TRIO: variants seen among roughly 807,000 people sequenced by gnomAD.
TRIO encodes the protein trio Rho guanine nucleotide exchange factor.
Under a neutral mutation model 351.9 loss-of-function variants are expected in TRIO, and 58 were observed. The ratio of observed to expected loss-of-function variants is 0.16; its 90% CI spans 0.13 to 0.21. The LOEUF (loss-of-function observed/expected upper bound fraction) is 0.21, where lower values mean the gene tolerates loss of function less well. TRIO is among the 10% of genes least tolerant of loss of function. The pLI is 1.00. For missense variants in TRIO, 3,201 were observed against 4,027.8 expected (o/e 0.79, Z 5.56); for synonymous variants, 1,758 against 1,595.7 (o/e 1.10, Z -2.42).
intron 55 of TRIO, among the ~76,000 whole-genome samples, 185 bp from the exon 56 acceptor site, chr5:14,506,937 G>T (rs1757730238): frequency 6.6e-6 from 1 of 152,156 alleles, no homozygotes; most frequent in Non-Finnish European, 1.5e-5. Flanking sequence ...TACCCCACTC[G>T]CATCTTCCCA....
At chr5:14,428,364 T>C (rs1268705154) in intron 34 of TRIO, among the ~76,000 whole-genome samples, 1 of 152,144 alleles carries the variant, frequency 6.6e-6, no homozygotes, top group East Asian at 1.9e-4. Context: ...AAAAATAATA[T>C]ACTGAGAAAT....
chr5:14,507,061 A>G, intron 55 of TRIO, 61 bp from the exon 56 acceptor site: 6 of 1,512,834 alleles, frequency 4.0e-6, no homozygotes, highest in Non-Finnish European at 5.3e-6. Flanking sequence ...ACTTCTTACT[A>G]GCCCAAAGAG....
intron 1 of TRIO, among the ~76,000 whole-genome samples, chr5:14,168,809 A>G (rs1390899942): frequency 3.3e-5 from 5 of 152,178 alleles, no homozygotes; most frequent in Non-Finnish European, 5.9e-5. Context: ...TTACCAATAC[A>G]TGTTTCAGCT....
intron 7 of TRIO, among the ~76,000 whole-genome samples, chr5:14,297,695 T>C (rs1265215661): frequency 6.6e-6 from 1 of 152,172 alleles, no homozygotes; most frequent in Non-Finnish European, 1.5e-5. Context: ...GGAACGCCCA[T>C]CCGTGGTGCA....
At chr5:14,191,356 C>T (rs889481193) in intron 1 of TRIO, among the ~76,000 whole-genome samples, 1 of 152,022 alleles carries the variant, frequency 6.6e-6, no homozygotes, top group African/African-American at 2.4e-5. Context: ...CTTTGGGAGG[C>T]TGAGGCAGGA....
chr5:14,358,365 C>A lies in TRIO; in HGVS notation c.2216+18C>A, dbSNP rs372264116. 1.1e-5 allele frequency: 18 copies of A among 1,613,112 alleles called. No homozygotes were observed. In the East Asian group the frequency reaches 2.0e-4, roughly 18 times the overall value. On this transcript the variant is annotated intron_variant, in intron 12 of 56. Transcript: ENST00000344204. ...CAGCTCAGGTGGGCCTCACCCCTCT[C>A]CTGGTCCGAACAGATTCTGAAACCC...
intron 1 of TRIO, among the ~76,000 whole-genome samples, chr5:14,158,350 G>C (rs530102974): frequency 6.6e-6 from 1 of 151,714 alleles, no homozygotes; most frequent in Non-Finnish European, 1.5e-5. Context: ...GCTTGAACCC[G>C]GGAGGCAGAG....
At chr5:14,502,528 C>G in intron 53 of TRIO, 51 bp from the exon 54 acceptor site, 1 of 1,595,116 alleles carries the variant, frequency 6.3e-7, no homozygotes, top group Non-Finnish European at 8.6e-7. Flanking sequence ...GCCTTCTTAC[C>G]CAAGAAGCTC....
At chr5:14,373,162 C>T (rs1405266592) in intron 18 of TRIO, among the ~76,000 whole-genome samples, 3 of 152,192 alleles carry the variant, frequency 2.0e-5, no homozygotes, top group African/African-American at 7.2e-5. Context: ...TCACCTCCCA[C>T]GAGGTTTCTA....
chr5:14,479,924 A>G lies in TRIO; in HGVS notation c.6249A>G (p.Leu2083=), dbSNP rs752070358. 8.5e-5 allele frequency: 137 copies of G among 1,613,982 alleles called. 2 individuals are homozygous for G. The highest frequency in any genetic ancestry group is 6.6e-4 in the Middle Eastern group (4 of 6,084). ...TCTCTCTCTTAAAACTGTAGGACTT[A>G]AAGCAGCGTCTTGGCCACAGGTTAC... The part of the protein sequence containing the change: ...SEYIDTFFED[L]KQRLGHRLQL... Residue 2083 remains leucine (L), a synonymous_variant, in exon 43 of 57, where the codon TTA becomes TTG. Coordinates refer to ENST00000344204, the MANE Select transcript of TRIO (RefSeq NM_007118.4).
rs569045714 is a variant in TRIO at position 14,276,951 on chromosome 5, CTTCT to C, written c.233-3366_233-3363del. Among the ~76,000 whole-genome samples, 477 of 152,302 alleles carry C rather than the reference CTTCT, an allele frequency of 3.1e-3. 1 individual carries two copies. The highest frequency in any genetic ancestry group is 4.6e-3 in the Non-Finnish European group (312 of 68,038). On this transcript the variant is annotated intron_variant, in intron 2 of 56. Coordinates refer to ENST00000344204, the MANE Select transcript of TRIO (RefSeq NM_007118.4). ...AGCTATAGTGTAGGACCCTTTCAGC[CTTCT>C]TTCTATTATTAAAATAAACCTCAGT... is the stretch of plus-strand genomic sequence containing the variant.
intron 9 of TRIO, among the ~76,000 whole-genome samples, chr5:14,317,063 T>C (rs530356914): frequency 1.3e-5 from 2 of 152,332 alleles, no homozygotes; most frequent in East Asian, 3.9e-4. Flanking sequence ...ATTGTTATAA[T>C]TTAGTTAACA....
At chr5:14,256,628 A>G (rs1270102524) in intron 1 of TRIO, among the ~76,000 whole-genome samples, 1 of 152,236 alleles carries the variant, frequency 6.6e-6, no homozygotes, top group East Asian at 1.9e-4. Context: ...CTTTCATTTT[A>G]GTAGCTGAAA....
intron 9 of TRIO, among the ~76,000 whole-genome samples, chr5:14,327,703 T>C (rs1472786168): frequency 6.6e-6 from 1 of 152,184 alleles, no homozygotes; most frequent in Non-Finnish European, 1.5e-5. Flanking sequence ...CTCCTGTAGA[T>C]CTTACAGGCA....
intron 1 of TRIO, among the ~76,000 whole-genome samples, chr5:14,199,336 T>C (rs1192990888): frequency 6.6e-6 from 1 of 151,846 alleles, no homozygotes; most frequent in East Asian, 1.9e-4. Flanking sequence ...TTCAGGACCA[T>C]GAGGTTTTGG....
chr5:14,407,533 T>C (rs1226992310), intron 33 of TRIO, among the ~76,000 whole-genome samples: 2 of 152,194 alleles, frequency 1.3e-5, no homozygotes, highest in African/African-American at 4.8e-5. Flanking sequence ...CATGGCAGTG[T>C]AGAAGCGGAG....
In TRIO at chr5:14,486,322, C is replaced by T. The variant is rs1013157314; in HGVS notation, c.6835+1076C>T. ...ACAAGAAAGCCACCTCTACACCTTG[C>T]GTGATGTTCAAGAGCCAGGAACATA... On this transcript the variant is annotated intron_variant, in intron 47 of 56. Transcript: ENST00000344204. 6.6e-5 allele frequency among the ~76,000 whole-genome samples: 10 copies of T among 152,308 alleles called. No homozygotes were observed. In the East Asian group the frequency reaches 1.3e-3, roughly 21 times the overall value.
chr5:14,363,786 T>G lies in TRIO; in HGVS notation c.2446T>G (p.Phe816Val), dbSNP rs1179345610. Reference sequence around the variant, plus strand: ...TGAGCTTTCTCAGCAAATGAATGACTTCGACACAGAAGATCTCACGATTGC... The same window carrying G: ...TGAGCTTTCTCAGCAAATGAATGACGTCGACACAGAAGATCTCACGATTGC... ...NDELSQQMND[F>V]DTEDLTIAEQ... is the part of the protein sequence containing the mutation. The change falls in exon 14 of 57, where the codon TTC becomes GTC. Residue 816 changes from phenylalanine (F) to valine (V), a missense_variant. Coordinates refer to ENST00000344204, the MANE Select transcript of TRIO (RefSeq NM_007118.4). 1 of 1,614,230 alleles carries G rather than the reference T, an allele frequency of 6.2e-7. No homozygotes were observed. The highest frequency in any genetic ancestry group is 8.5e-7 in the Non-Finnish European group (1 of 1,180,034).
At chr5:14,210,698 A>G (rs1016314894) in intron 1 of TRIO, among the ~76,000 whole-genome samples, 1 of 152,200 alleles carries the variant, frequency 6.6e-6, no homozygotes, top group Non-Finnish European at 1.5e-5. Context: ...TGAATCATAG[A>G]TATCACCCTT....
Sources: gnomAD v4.1 joint callset for allele counts (sites outside exome capture counted in the v4.1 genomes callset) on GRCh38, gnomAD v4.1.1 for gene constraint, MANE v1.5 for transcripts, NCBI Gene and HGNC (gene_info 2026-07-23, HGNC 2026-07-21) for gene names.